Variants in KCND2 observed in about 807,000 individuals in gnomAD.
KCND2 encodes the protein A-type voltage-gated potassium channel KCND2.
KCND2 carries 16 observed loss-of-function variants against 54.4 expected under a neutral mutation model. That is an observed-to-expected ratio of 0.29 (90% confidence interval 0.20 to 0.45). The LOEUF (loss-of-function observed/expected upper bound fraction) is 0.45. Ranked by LOEUF, KCND2 falls within the 20% of genes least tolerant of loss-of-function variation. KCND2 has a pLI of 1.00. For synonymous variants in KCND2, 317 were observed against 310.7 expected, an observed-to-expected ratio of 1.02 and a Z score of -0.21; for missense variants, 486 against 824.2, an observed-to-expected ratio of 0.59 and a Z score of 5.02.
Position 120,274,567 on chromosome 7 carries a change from T to G in KCND2, c.-66T>G. ...TGCTTGACTGGAGGAAGTGGGTGAC[T>G]TTTGGCTGCTTCGGTGACCCATTGT... On this transcript the variant is annotated 5_prime_UTR_variant, in exon 1 of 6. Coordinates refer to ENST00000331113, the MANE Select transcript of KCND2 (RefSeq NM_012281.3). The G allele has an allele frequency of 1.3e-6, 2 of 1,599,674 alleles. No individual in the cohort carries two copies. The highest frequency in any genetic ancestry group is 2.2e-5 in the South Asian group (2 of 90,638).
At chr7:120,742,704 A>G in intron 4 of KCND2, 102 bp downstream of exon 4, 1 of 890,892 alleles carries the variant, frequency 1.1e-6, no homozygotes, top group Admixed American at 1.8e-5. Context: ...TGTCTGCATT[A>G]CTGGAAAACA....
chr7:120,318,345 C>G (rs937088574), intron 1 of KCND2, among the ~76,000 whole-genome samples: 2 of 152,090 alleles, frequency 1.3e-5, no homozygotes, highest in African/African-American at 4.8e-5. Context: ...ATTTATATCA[C>G]TAAGTCTAGA....
intron 1 of KCND2, among the ~76,000 whole-genome samples, chr7:120,395,564 C>G (rs552485089): frequency 6.6e-6 from 1 of 152,138 alleles, no homozygotes; most frequent in South Asian, 2.1e-4. Context: ...TGAACGGGTA[C>G]TGCTTCTTGT....
chr7:120,633,850 G>A (rs1421242340), intron 1 of KCND2, among the ~76,000 whole-genome samples: 1 of 152,106 alleles, frequency 6.6e-6, no homozygotes, highest in Non-Finnish European at 1.5e-5. Flanking sequence ...AAATTTATAA[G>A]CCTGAAAGAG....
chr7:120,578,043 G>GAGA (rs10540913), intron 1 of KCND2, among the ~76,000 whole-genome samples: 8 of 149,900 alleles, frequency 5.3e-5, no homozygotes, highest in East Asian at 4.0e-4. Flanking sequence ...GGAGAAGAAG[G>GAGA]AGAAGAAGAA....
chr7:120,410,122 G>T (rs1264305803), intron 1 of KCND2, among the ~76,000 whole-genome samples: 2 of 151,780 alleles, frequency 1.3e-5, no homozygotes, highest in Non-Finnish European at 2.9e-5. Flanking sequence ...TCCAACTATT[G>T]TAGTGACAGT....
At chr7:120,417,267 C>G (rs1004801330) in intron 1 of KCND2, among the ~76,000 whole-genome samples, 1 of 152,094 alleles carries the variant, frequency 6.6e-6, no homozygotes, top group African/African-American at 2.4e-5. Context: ...AATATTGTGC[C>G]CCTCAGGCAA....
At chr7:120,443,753 C>A (rs1801978797) in intron 1 of KCND2, among the ~76,000 whole-genome samples, 1 of 151,916 alleles carries the variant, frequency 6.6e-6, no homozygotes. Context: ...CTTTAGTAAG[C>A]CATTCTCTCC....
chr7:120,742,204 G>T, intron 3 of KCND2: 2 of 346,466 alleles, frequency 5.8e-6, no homozygotes, highest in Non-Finnish European at 5.5e-6. Context: ...TAAGCACTAT[G>T]CTAAATTTGA....
intron 1 of KCND2, among the ~76,000 whole-genome samples, chr7:120,576,620 A>AT (rs543655186): frequency 2.3e-4 from 35 of 149,130 alleles, no homozygotes; most frequent in Non-Finnish European, 3.1e-4. Context: ...ATTGAGTACT[A>AT]TTTTTTTTTT....
chr7:120,512,042 T>G (rs922949661), intron 1 of KCND2, among the ~76,000 whole-genome samples: 2 of 152,134 alleles, frequency 1.3e-5, no homozygotes, highest in African/African-American at 4.8e-5. Context: ...CTAGCATTAT[T>G]TATTCATACC....
intron 1 of KCND2, among the ~76,000 whole-genome samples, chr7:120,732,009 G>C (rs1562922850): frequency 6.6e-6 from 1 of 152,086 alleles, no homozygotes; most frequent in African/African-American, 2.4e-5. Flanking sequence ...GCATCCAGGG[G>C]TAGAAATAAT....
At chr7:120,608,942 G>C (rs77979534) in intron 1 of KCND2, among the ~76,000 whole-genome samples, 2 of 152,174 alleles carry the variant, frequency 1.3e-5, no homozygotes, top group East Asian at 3.9e-4. Context: ...CAGTTAAATG[G>C]TATTCCTCCT....
intron 1 of KCND2, among the ~76,000 whole-genome samples, chr7:120,691,321 C>T (rs1173892220): frequency 2.6e-5 from 4 of 152,198 alleles, no homozygotes; most frequent in Non-Finnish European, 5.9e-5. Context: ...GCAGGCAGAG[C>T]ACTCAGGAGG....
At chr7:120,401,829 T>C (rs922395469) in intron 1 of KCND2, among the ~76,000 whole-genome samples, 1 of 152,150 alleles carries the variant, frequency 6.6e-6, no homozygotes, top group Non-Finnish European at 1.5e-5. Flanking sequence ...CTAAGACTTA[T>C]TTTTCTATCC....
At chr7:120,625,881 T>A (rs1793158050) in intron 1 of KCND2, among the ~76,000 whole-genome samples, 1 of 152,000 alleles carries the variant, frequency 6.6e-6, no homozygotes, top group African/African-American at 2.4e-5. Flanking sequence ...TGATAAAAAA[T>A]TTTGTCCTAA....
intron 1 of KCND2, among the ~76,000 whole-genome samples, chr7:120,473,641 A>G (rs1055546259): frequency 6.6e-6 from 1 of 152,216 alleles, no homozygotes; most frequent in African/African-American, 2.4e-5. Context: ...GTCTATAATT[A>G]ACCAGGCCTC....
chr7:120,514,909 T>G (rs1176329133), intron 1 of KCND2, among the ~76,000 whole-genome samples: 1 of 152,102 alleles, frequency 6.6e-6, no homozygotes, highest in Non-Finnish European at 1.5e-5. Context: ...TGGGGACCCC[T>G]GTTTTATAGC....
At chr7:120,641,207 G>C (rs567933837) in intron 1 of KCND2, among the ~76,000 whole-genome samples, 1 of 152,022 alleles carries the variant, frequency 6.6e-6, no homozygotes, top group Non-Finnish European at 1.5e-5. Flanking sequence ...CCTAGACTCT[G>C]TGTAGATCTG....
Sources: allele counts gnomAD v4.1 joint callset (sites outside exome capture counted in the v4.1 genomes callset), GRCh38; gene constraint gnomAD v4.1.1; transcripts MANE v1.5; gene names NCBI Gene and HGNC (gene_info 2026-07-23, HGNC 2026-07-21).